PPP1R17: variants seen among roughly 807,000 people sequenced by gnomAD.
PPP1R17 encodes the protein G-substrate.
Under a neutral mutation model 15.9 loss-of-function variants are expected in PPP1R17, and 12 were observed. The ratio of observed to expected loss-of-function variants is 0.75; its 90% CI spans 0.48 to 1.22. The LOEUF is 1.22. Ranked by LOEUF, PPP1R17 falls within the 50% of genes most tolerant of loss-of-function variation. PPP1R17 has a pLI of 0.00. For synonymous variants in PPP1R17, 63 were observed against 64.5 expected, an observed-to-expected ratio of 0.98 and a Z score of 0.11; for missense variants, 211 against 187.3, an observed-to-expected ratio of 1.13 and a Z score of -0.74.
intron 2 of PPP1R17, 63 bp from the exon 3 acceptor site, chr7:31,695,406 A>G (rs1447666606): frequency 2.9e-5 from 42 of 1,466,562 alleles, no homozygotes; most frequent in Non-Finnish European, 3.8e-5. Flanking sequence ...GGAACCAAAC[A>G]GTTTGTGACT....
intron 1 of PPP1R17, among the ~76,000 whole-genome samples, chr7:31,688,948 T>C (rs1398778261): frequency 2.0e-5 from 3 of 152,228 alleles, no homozygotes; most frequent in East Asian, 1.9e-4. Flanking sequence ...ACAAACTCAT[T>C]TGGTAGCAAA....
chr7:31,693,040 G>A (rs1222797985), intron 2 of PPP1R17, among the ~76,000 whole-genome samples: 1 of 151,952 alleles, frequency 6.6e-6, no homozygotes, highest in Non-Finnish European at 1.5e-5. Flanking sequence ...CATTTCTGCC[G>A]CTACCCATTT....
intron 4 of PPP1R17, among the ~76,000 whole-genome samples, chr7:31,706,693 A>T (rs1793083424): frequency 6.6e-6 from 1 of 152,222 alleles, no homozygotes; most frequent in African/African-American, 2.4e-5. Flanking sequence ...AAGGAAAATA[A>T]ACGAGCAAAT....
At chr7:31,687,487 G>A (rs1368276191) in intron 1 of PPP1R17, among the ~76,000 whole-genome samples, 181 bp downstream of exon 1, 1 of 152,224 alleles carries the variant, frequency 6.6e-6, no homozygotes, top group Admixed American at 6.5e-5. Context: ...TCTTCCAAGG[G>A]AGGGAATGGA....
intron 4 of PPP1R17, among the ~76,000 whole-genome samples, chr7:31,697,593 A>T (rs538327001): frequency 2.0e-5 from 3 of 152,298 alleles, no homozygotes; most frequent in Admixed American, 6.5e-5. Flanking sequence ...CTATGAGCAC[A>T]GCCCCAGTCT....
chr7:31,691,329 C>T (rs1392491243), intron 1 of PPP1R17, among the ~76,000 whole-genome samples: 2 of 152,312 alleles, frequency 1.3e-5, no homozygotes, highest in South Asian at 4.1e-4. Flanking sequence ...CACAACTGGT[C>T]TGTGTGTTCA....
intron 1 of PPP1R17, among the ~76,000 whole-genome samples, chr7:31,689,390 G>C (rs1039991619): frequency 1.3e-5 from 2 of 152,198 alleles, no homozygotes; most frequent in Non-Finnish European, 2.9e-5. Context: ...ATGAAAGAAA[G>C]AGCTGGTGCC....
At chr7:31,703,143 A>G (rs1792923938) in intron 4 of PPP1R17, among the ~76,000 whole-genome samples, 1 of 152,206 alleles carries the variant, frequency 6.6e-6, no homozygotes, top group African/African-American at 2.4e-5. Context: ...AAGTACATAA[A>G]CTACTTGGCA....
intron 4 of PPP1R17, among the ~76,000 whole-genome samples, chr7:31,706,246 C>T (rs1793065916): frequency 6.6e-6 from 1 of 151,820 alleles, no homozygotes; most frequent in Admixed American, 6.6e-5. Flanking sequence ...CTCAGGCAAT[C>T]CACCCACCTT....
chr7:31,689,443 T>C (rs1393639286), intron 1 of PPP1R17, among the ~76,000 whole-genome samples: 2 of 152,154 alleles, frequency 1.3e-5, no homozygotes, highest in Non-Finnish European at 2.9e-5. Flanking sequence ...AAACCTTCCC[T>C]GGGCAGCCCA....
At chr7:31,705,284 G>A (rs114578962) in intron 4 of PPP1R17, among the ~76,000 whole-genome samples, 1 of 152,068 alleles carries the variant, frequency 6.6e-6, no homozygotes, top group African/African-American at 2.4e-5. Context: ...ATCTGGATTT[G>A]GGAACTTAAA....
At chr7:31,690,908 T>C (rs887973906) in intron 1 of PPP1R17, among the ~76,000 whole-genome samples, 2 of 152,128 alleles carry the variant, frequency 1.3e-5, no homozygotes, top group Non-Finnish European at 2.9e-5. Context: ...ATTTTCAACA[T>C]AATATGTATG....
At chr7:31,692,611 G>A in intron 2 of PPP1R17, 88 bp downstream of exon 2, 1 of 1,287,178 alleles carries the variant, frequency 7.8e-7, no homozygotes, top group Non-Finnish European at 1.1e-6. Context: ...GTCAGAGAGA[G>A]GGCACCCCCC....
intron 1 of PPP1R17, among the ~76,000 whole-genome samples, chr7:31,689,241 G>A (rs925712820): frequency 2.0e-5 from 3 of 152,188 alleles, no homozygotes; most frequent in Admixed American, 1.3e-4. Flanking sequence ...GAAAGAGGAT[G>A]TTAAAAAGGT....
At chr7:31,699,848 A>G (rs1327129397) in intron 4 of PPP1R17, among the ~76,000 whole-genome samples, 1 of 152,086 alleles carries the variant, frequency 6.6e-6, no homozygotes, top group Non-Finnish European at 1.5e-5. Context: ...GTTTGATGTT[A>G]CTATTGTAAT....
chr7:31,691,819 A>AAC (rs1253424873), intron 1 of PPP1R17, among the ~76,000 whole-genome samples: 1 of 151,466 alleles, frequency 6.6e-6, no homozygotes, highest in Non-Finnish European at 1.5e-5. Flanking sequence ...AAAAAAAAAA[A>AAC]AAACCAAGCA....
chr7:31,703,326 GCT>G (rs1417487953), intron 4 of PPP1R17, among the ~76,000 whole-genome samples: 1 of 152,342 alleles, frequency 6.6e-6, no homozygotes, highest in South Asian at 2.1e-4. Context: ...AACGGGTTGA[GCT>G]CTGTTTACCT....
intron 4 of PPP1R17, among the ~76,000 whole-genome samples, chr7:31,701,701 C>T (rs1267874071): frequency 1.3e-5 from 2 of 152,190 alleles, no homozygotes; most frequent in East Asian, 3.8e-4. Context: ...TTGCCACAGC[C>T]ACCTAACCTT....
intron 1 of PPP1R17, among the ~76,000 whole-genome samples, chr7:31,689,909 G>T (rs1792267824): frequency 6.6e-6 from 1 of 152,194 alleles, no homozygotes; most frequent in Admixed American, 6.5e-5. Flanking sequence ...AAACAGTCTT[G>T]CTGGTTCACC....
Sources: gnomAD v4.1 joint callset for allele counts (sites outside exome capture counted in the v4.1 genomes callset) on GRCh38, gnomAD v4.1.1 for gene constraint, MANE v1.5 for transcripts, NCBI Gene and HGNC (gene_info 2026-07-23, HGNC 2026-07-21) for gene names.